USP49: variants seen among roughly 807,000 people sequenced by gnomAD.
USP49 encodes the protein ubiquitin carboxyl-terminal hydrolase 49.
USP49 carries 24 observed loss-of-function variants against 58.6 expected under a neutral mutation model. The observed-to-expected ratio is 0.41, with a 90% CI of 0.30 to 0.58. USP49 has a LOEUF of 0.58. Among genes scored for constraint, USP49 ranks in the 20% least tolerant of loss-of-function variants. The pLI, the probability that USP49 is intolerant of heterozygous loss-of-function variation, is 0.30. For missense variants in USP49, 703 were observed against 866.1 expected (o/e 0.81, Z 2.36); for synonymous variants, 408 against 365.1 (o/e 1.12, Z -1.34).
chr6:41,833,304 C>G lies in USP49; in HGVS notation c.-28-26293G>C, dbSNP rs573806850. 2.0e-5 allele frequency among the ~76,000 whole-genome samples: 3 copies of G among 152,226 alleles called. No individual in the cohort carries two copies. In the East Asian group the frequency reaches 5.8e-4, roughly 29 times the overall value. On this transcript the variant is annotated intron_variant, in intron 3 of 7. Transcript: ENST00000682992. Reference sequence around the variant, plus strand: ...ATGCTGGGATTACAGGTGTGAGCCACCACGCCCGGCCTTGACACAGTATTT... The same window carrying G: ...ATGCTGGGATTACAGGTGTGAGCCAGCACGCCCGGCCTTGACACAGTATTT...
At chr6:41,891,354 A>G (rs1167410391) in intron 2 of USP49, among the ~76,000 whole-genome samples, 1 of 152,242 alleles carries the variant, frequency 6.6e-6, no homozygotes, top group African/African-American at 2.4e-5. Context: ...TAATTACCAA[A>G]TAAATAGTTG....
intron 2 of USP49, among the ~76,000 whole-genome samples, chr6:41,889,294 A>G (rs1014806529): frequency 2.0e-5 from 3 of 152,122 alleles, no homozygotes; most frequent in Admixed American, 6.6e-5. Flanking sequence ...CAGCCTCCCA[A>G]TGTGCTAGGA....
Position 41,806,182 on chromosome 6 carries a change from G to A in USP49, c.802C>T (p.Leu268Phe). 1.9e-6 allele frequency: 3 copies of A among 1,613,264 alleles called. No individual in the cohort carries two copies. Among genetic ancestry groups the A allele is most frequent in the Non-Finnish European group, 2.5e-6 (3 of 1,180,034 alleles). ...LGNTCYMNSI[L>F]QVLSHLQKFR... ...TTCTGGAGGTGGCTGAGCACCTGGA[G>A]GATGGAGTTCATGTAGCAGGTGTTG... is the stretch of plus-strand genomic sequence containing the variant. Residue 268 changes from leucine to phenylalanine, a missense_variant, in exon 4 of 8, where the codon CTC becomes TTC. Physicochemically the swap from Leu to Phe is conservative, Grantham distance 22 (BLOSUM62 0). This residue lies in a region of USP49 where 5 missense variants were observed against 27.8 expected (regional missense o/e 0.18). Transcript: ENST00000682992. This position sits in a 1 kb window ranked among gnomAD's most constrained non-coding sequence, Gnocchi z 5.9.
In USP49 at chr6:41,796,775, T is replaced by C. The variant is rs1772893723; in HGVS notation, c.1877-52A>G. On this transcript the variant is annotated intron_variant, in intron 7 of 7. Transcript: ENST00000682992. Reference sequence around the variant, plus strand: ...GAAAATGACTACCCAATTCATATTTTAGTCAGCAGGCAAAATCAGGAGATG... The same window carrying C: ...GAAAATGACTACCCAATTCATATTTCAGTCAGCAGGCAAAATCAGGAGATG... 5 of 701,086 alleles carry C rather than the reference T, an allele frequency of 7.1e-6. No homozygotes were observed. In the Admixed American group the frequency reaches 1.1e-4, roughly 15 times the overall value. The allele number at this position is 701,086 out of a possible 1,614,324, so 43.4% of individuals were successfully genotyped here.
chr6:41,833,268 G>A (rs1025994419), intron 3 of USP49, among the ~76,000 whole-genome samples: 14 of 151,290 alleles, frequency 9.3e-5, no homozygotes, highest in East Asian at 5.9e-4. Flanking sequence ...CGCCCGCCTC[G>A]GCCTCCCAAA....
chr6:41,805,447 AG>A (rs528483831), intron 4 of USP49, among the ~76,000 whole-genome samples, 180 bp downstream of exon 4: 128 of 152,330 alleles, frequency 8.4e-4, no homozygotes, highest in Admixed American at 2.0e-3. Context: ...ACACTAGGCA[AG>A]TTTCCCCAAA....
chr6:41,802,467 TATTTTTTATTTA>T (rs1249158861), intron 5 of USP49, among the ~76,000 whole-genome samples: 33 of 89,668 alleles, frequency 3.7e-4, no homozygotes, highest in African/African-American at 1.1e-3. Context: ...TTTATTTATT[TATTTTTTATTTA>T]TTTTTTTTTT....
At chr6:41,888,603 G>A (rs187453319) in intron 2 of USP49, among the ~76,000 whole-genome samples, 90 of 151,984 alleles carry the variant, frequency 5.9e-4, no homozygotes, top group Non-Finnish European at 1.0e-3. Context: ...ACAGGCATGC[G>A]CCACCACACC....
chr6:41,881,232 C>G (rs1774599874), intron 2 of USP49, among the ~76,000 whole-genome samples: 1 of 141,612 alleles, frequency 7.1e-6, no homozygotes, highest in Non-Finnish European at 1.5e-5. Flanking sequence ...CTGCCCGGCC[C>G]CTACGCAGAT....
Position 41,805,730 on chromosome 6 carries a change from C to A in USP49, c.1254G>T (p.Glu418Asp). ...GGATGAGGATCCGGCGTGTGGTGCCCTCAGACTCGAGTTCCTGCTGCACCT... is the reference window on the plus strand; with the variant it reads ...GGATGAGGATCCGGCGTGTGGTGCCATCAGACTCGAGTTCCTGCTGCACCT... ...LHKVQQELES[E>D]GTTRRILIPF... is the part of the protein sequence containing the mutation. Residue 418 changes from glutamate (E) to aspartate (D), a missense_variant, in exon 4 of 8, where the codon GAG becomes GAT. Glu to Asp is a conservative substitution (Grantham distance 45). Around this residue, in one of 6 missense-constraint regions of USP49, gnomAD observed 66 missense variants for 116.0 expected, o/e 0.57. Transcript: ENST00000682992. 6.2e-7 allele frequency: 1 copy of A among 1,614,116 alleles called. No homozygotes were observed. The highest frequency in any genetic ancestry group is 8.5e-7 in the Non-Finnish European group (1 of 1,180,004).
Position 41,879,948 on chromosome 6 carries a change from G to A in USP49, c.-102-8311C>T, listed in dbSNP as rs192994779. ...TTCAGTTTTTTCGTGGCTCACTCCT[G>A]AATATGAGTAAAACAGCCAAAGCTA... On this transcript the variant is annotated intron_variant, in intron 2 of 7. Transcript: ENST00000682992. Among the ~76,000 whole-genome samples the A allele has an allele frequency of 3.1e-3, 476 of 152,218 alleles. 5 individuals are homozygous for A. The highest frequency in any genetic ancestry group is 0.011 in the African/African-American group (454 of 41,532).
Position 41,803,775 on chromosome 6 carries a change from C to T in USP49, c.1561+31G>A, listed in dbSNP as rs1461197229. 1.9e-6 allele frequency: 3 copies of T among 1,610,236 alleles called. No homozygotes were observed. In the African/African-American group the frequency reaches 4.0e-5, roughly 22 times the overall value. ...AACTGATATTCCAATTATTCTTCCC[C>T]ACTACGCCCCCTCCTCCACACAGCA... On this transcript the variant is annotated intron_variant, in intron 5 of 7. Transcript: ENST00000682992. The surrounding 1 kb of genome is among the most constrained non-coding windows in gnomAD (Gnocchi z 4.1).
rs111948785 is a variant in USP49, at chr6:41,806,602, G to T, written c.382C>A (p.Leu128Met). ...TGTCCCTGAGGAGCGCGCTGCGGCA[G>T]GACCACGTCCTCACCCGAAGCCATG... ...RSMASGEDVV[L>M]PQRAPQGQPQ... Residue 128 changes from leucine to methionine, a missense_variant, in exon 4 of 8, where the codon CTG becomes ATG. By Grantham distance (15) the Leu-to-Met change is conservative. Around this residue, in one of 6 missense-constraint regions of USP49, gnomAD observed 376 missense variants for 373.5 expected, o/e 1.01. Transcript: ENST00000682992. The surrounding 1 kb of genome is among the most constrained non-coding windows in gnomAD (Gnocchi z 5.9). 5.3e-3 allele frequency: 8,555 copies of T among 1,608,168 alleles called. 135 individuals carry two copies. Among genetic ancestry groups the T allele is most frequent in the African/African-American group, 0.052 (3,924 of 74,998 alleles).
At chr6:41,807,073 T>A in intron 3 of USP49, 62 bp from the exon 4 acceptor site, 1 of 1,204,946 alleles carries the variant, frequency 8.3e-7, no homozygotes, top group Non-Finnish European at 1.0e-6. Flanking sequence ...AAAAATATTT[T>A]CCTTAAAAAA....
intron 3 of USP49, among the ~76,000 whole-genome samples, chr6:41,838,568 G>A (rs1477992691): frequency 6.6e-6 from 1 of 152,162 alleles, no homozygotes; most frequent in African/African-American, 2.4e-5. Flanking sequence ...CTAGGGGAAG[G>A]GGGAGAGCAC....
At chr6:41,852,538 G>C (rs1774048737) in intron 3 of USP49, among the ~76,000 whole-genome samples, 1 of 152,058 alleles carries the variant, frequency 6.6e-6, no homozygotes, top group Admixed American at 6.6e-5. Context: ...TGAAAGACTT[G>C]GACGATGAAG....
At chr6:41,829,696 A>G (rs1423920973) in intron 3 of USP49, among the ~76,000 whole-genome samples, 1 of 152,212 alleles carries the variant, frequency 6.6e-6, no homozygotes, top group Non-Finnish European at 1.5e-5. Context: ...TCTGGAATTA[A>G]CCAGGAAGTT....
chr6:41,887,041 A>T (rs961282269), intron 2 of USP49, among the ~76,000 whole-genome samples: 1 of 152,248 alleles, frequency 6.6e-6, no homozygotes, highest in Non-Finnish European at 1.5e-5. Flanking sequence ...CACATGGTCC[A>T]TCCAAGTGAG....
At chr6:41,835,333 C>T (rs1773705704) in intron 3 of USP49, among the ~76,000 whole-genome samples, 1 of 152,142 alleles carries the variant, frequency 6.6e-6, no homozygotes. Flanking sequence ...TCATGAAAGC[C>T]AATTTAATTG....
Sources: gnomAD v4.1 joint callset for allele counts (sites outside exome capture counted in the v4.1 genomes callset) on GRCh38, gnomAD v4.1.1 for gene constraint, gnomAD v4.1.1 regional missense constraint, Gnocchi (gnomAD v3.1) non-coding constraint, MANE v1.5 for transcripts, NCBI Gene and HGNC (gene_info 2026-07-23, HGNC 2026-07-21) for gene names.